DMBT1: variants seen among roughly 807,000 people sequenced by gnomAD.
The protein encoded by DMBT1 is deleted in malignant brain tumors 1, also known as scavenger receptor cysteine-rich domain-containing protein DMBT1.
Under a neutral mutation model 252.9 loss-of-function variants are expected in DMBT1, and 198 were observed. The observed-to-expected ratio is 0.78, with a 90% CI of 0.70 to 0.88. DMBT1 has a LOEUF of 0.88. DMBT1 is among the 40% of genes least tolerant of loss of function. The probability of loss-of-function intolerance (pLI) is 0.00; values close to 1 mark genes in which losing one functional copy is unlikely to be tolerated. For missense variants in DMBT1, 2,432 were observed against 2,404.7 expected, an observed-to-expected ratio of 1.01 and a Z score of -0.24; for synonymous variants, 990 against 942.7, an observed-to-expected ratio of 1.05 and a Z score of -0.92.
intron 25 of DMBT1, 26 bp downstream of exon 25, chr10:122,598,038 AG>A: frequency 6.2e-7 from 1 of 1,613,620 alleles, no homozygotes; most frequent in Non-Finnish European, 8.5e-7. Context: ...GCCCCTCCCT[AG>A]GGCTCACTCT....
chr10:122,568,171 C>A (rs753365919), intron 2 of DMBT1, among the ~76,000 whole-genome samples: 1 of 151,844 alleles, frequency 6.6e-6, no homozygotes, highest in Admixed American at 6.6e-5. Context: ...AAGGAGGAGT[C>A]GAATATGATG....
At chr10:122,624,880 G>A (rs957087908) in intron 44 of DMBT1, among the ~76,000 whole-genome samples, 4 of 148,390 alleles carry the variant, frequency 2.7e-5, no homozygotes, top group African/African-American at 7.6e-5. Flanking sequence ...CTCTATTTTA[G>A]TGTGTGGTTT....
intron 9 of DMBT1, 61 bp downstream of exon 9, chr10:122,578,820 T>A (rs1472382769): frequency 1.1e-5 from 16 of 1,480,396 alleles, no homozygotes; most frequent in Admixed American, 1.9e-5. Flanking sequence ...CACTTTGGAT[T>A]TCATAGTTCA....
chr10:122,591,477 A>G lies in DMBT1; in HGVS notation c.2138-2A>G. On this transcript the variant is annotated splice_acceptor_variant, in intron 18 of 55. Transcript: ENST00000338354. LOFTEE classifies it high-confidence loss of function. ...AGCCTTTGTCTTTGTTGCAATTTAC[A>G]GACACGTTGTCGACCATCACGTTAC... is the stretch of plus-strand genomic sequence containing the variant. 2.5e-6 allele frequency: 4 copies of G among 1,587,180 alleles called. 1 individual carries two copies. The highest frequency in any genetic ancestry group is 3.4e-6 in the Non-Finnish European group (4 of 1,164,806).
At chr10:122,576,751 G>A in intron 7 of DMBT1, 29 bp downstream of exon 7, 4 of 1,613,314 alleles carry the variant, frequency 2.5e-6, no homozygotes, top group South Asian at 1.1e-5. Context: ...GGAGGGTTGG[G>A]TGTGGTGGCT....
rs559039398 is a variant in DMBT1, at chr10:122,592,205, G to A, written c.2177-67G>A. On this transcript the variant is annotated intron_variant, in intron 19 of 55. Transcript: ENST00000338354. ...TTGGCCATTAGGAAGTACCCTGAGTGTGGAACGTGCCTTAGATCCTTACCT... is the reference window on the plus strand; with the variant it reads ...TTGGCCATTAGGAAGTACCCTGAGTATGGAACGTGCCTTAGATCCTTACCT... 1.6e-4 allele frequency: 255 copies of A among 1,564,116 alleles called. 44 individuals carry two copies. The East Asian group carries it at 4.3e-3, about 27-fold the overall frequency.
At position 122,629,917 on chromosome 10, in the gene DMBT1, C is replaced by A. The variant is rs377585197; in HGVS notation, c.5746C>A (p.Pro1916Thr). The A allele has an allele frequency of 1.9e-6, 3 of 1,613,988 alleles. No individual in the cohort carries two copies. In the South Asian group the frequency reaches 3.3e-5, roughly 18 times the overall value. Residue 1916 changes from proline to threonine, a missense_variant, in exon 47 of 56, where the codon CCC (proline) becomes ACC (threonine). By Grantham distance (38) the Pro-to-Thr change is conservative. This residue lies in a region of DMBT1 where 1,162 missense variants were observed against 1,169.0 expected (regional missense o/e 0.99). Transcript: ENST00000338354. ...FSSPSYPAYY[P>T]NNAKCVWEIE... ...CAGCCCATCCTACCCTGCATACTACCCCAACAATGCTAAGTGTGTTTGGGA... is the reference window on the plus strand; with the variant it reads ...CAGCCCATCCTACCCTGCATACTACACCAACAATGCTAAGTGTGTTTGGGA...
chr10:122,625,022 G>A (rs1297103089), intron 44 of DMBT1, among the ~76,000 whole-genome samples: 2 of 152,186 alleles, frequency 1.3e-5, no homozygotes, highest in African/African-American at 4.8e-5. Context: ...GAATTTTATG[G>A]GTAGGCACTA....
intron 52 of DMBT1, among the ~76,000 whole-genome samples, chr10:122,634,434 C>T (rs60166953): frequency 0.033 from 1,155 of 34,698 alleles, 40 homozygotes; most frequent in African/African-American, 0.093. Flanking sequence ...TCTCTCTTCT[C>T]TCTCTCTCTC....
At chr10:122,566,898 A>G (rs1320825784) in intron 2 of DMBT1, among the ~76,000 whole-genome samples, 4 of 152,158 alleles carry the variant, frequency 2.6e-5, no homozygotes, top group East Asian at 1.9e-4. Flanking sequence ...CAATATTTCT[A>G]TGTCTAAGAT....
At chr10:122,625,408 T>C in intron 45 of DMBT1, 105 bp downstream of exon 45, 1 of 1,093,312 alleles carries the variant, frequency 9.1e-7, no homozygotes, top group East Asian at 2.5e-5. Flanking sequence ...GGGGGGGTAA[T>C]TTCTCTCTGA....
intron 9 of DMBT1, 113 bp downstream of exon 9, chr10:122,578,872 G>A (rs1015670712): frequency 1.1e-4 from 123 of 1,070,570 alleles, no homozygotes; most frequent in African/African-American, 6.3e-4. Flanking sequence ...TGGGCTAAGC[G>A]TGGGAGGGTG....
chr10:122,588,841 C>A lies in DMBT1; in HGVS notation c.1784-103C>A. The A allele has an allele frequency of 2.6e-6, 4 of 1,549,822 alleles. 1 individual carries two copies. Among genetic ancestry groups the A allele is most frequent in the Non-Finnish European group, 3.5e-6 (4 of 1,141,392 alleles). ...GTCATCTTTAATCGTGACTGCCTGC[C>A]CAGGTGACTTTGGCCATTAGGAAGT... On this transcript the variant is annotated intron_variant, in intron 16 of 55. Coordinates refer to ENST00000338354, the MANE Select transcript of DMBT1 (RefSeq NM_001377530.1).
Position 122,577,835 on chromosome 10 carries a change from G to C in DMBT1, c.632G>C (p.Arg211Thr). The change falls in exon 8 of 56, where the codon AGG becomes ACG. Residue 211 changes from arginine (R) to threonine (T), a missense_variant. Transcript: ENST00000338354. ...CSAAQPQSTL[R>T]PESWPVRISP... ...GCTGCCCAGCCTCAGTCAACACTCA[G>C]GCCAGGTGAGTCCCCAGAATCCTTC... 1 of 1,613,664 alleles carries C rather than the reference G, an allele frequency of 6.2e-7. No homozygotes were observed. The highest frequency in any genetic ancestry group is 8.5e-7 in the Non-Finnish European group (1 of 1,179,724).
rs770281969 is a variant in DMBT1, at chr10:122,600,079, C to A, written c.3296C>A (p.Pro1099Gln). 1.0e-5 allele frequency: 16 copies of A among 1,607,180 alleles called. 1 individual carries two copies. Among genetic ancestry groups the A allele is most frequent in the Admixed American group, 5.1e-5 (3 of 58,646 alleles). Residue 1099 changes from proline (P) to glutamine (Q), a missense_variant, in exon 27 of 56, where the codon CCA becomes CAA. Coordinates refer to ENST00000338354, the MANE Select transcript of DMBT1 (RefSeq NM_001377530.1). ...GVICSASQSR[P>Q]TPSPDTWPTS... Reference sequence around the variant, plus strand: ...TTTCTCACAGCTTCCCAGTCCCGGCCAACACCTAGTCCAGGTGGGTCCCCA... The same window carrying A: ...TTTCTCACAGCTTCCCAGTCCCGGCAAACACCTAGTCCAGGTGGGTCCCCA...
At chr10:122,593,126 C>T (rs1019456649) in intron 20 of DMBT1, among the ~76,000 whole-genome samples, 4 of 148,924 alleles carry the variant, frequency 2.7e-5, no homozygotes, top group East Asian at 2.1e-4. Flanking sequence ...ACCTCAGGTC[C>T]TCTCAGAACG....
In DMBT1 at chr10:122,568,057, G is replaced by C. The variant is rs564023062; in HGVS notation, c.91+2061G>C. On this transcript the variant is annotated intron_variant, in intron 2 of 55. Coordinates refer to ENST00000338354, the MANE Select transcript of DMBT1 (RefSeq NM_001377530.1). ...GAGCAGACACTGAGGATTCAGCTGG[G>C]AGGAGGCCAGGTTCAAGGGGATGAA... 1.2e-4 allele frequency among the ~76,000 whole-genome samples: 19 copies of C among 152,308 alleles called. No individual in the cohort carries two copies. In the South Asian group the frequency reaches 3.9e-3, roughly 32 times the overall value.
chr10:122,589,928 T>C (rs1195497361), intron 17 of DMBT1, among the ~76,000 whole-genome samples: 2 of 148,264 alleles, frequency 1.3e-5, no homozygotes, highest in Middle Eastern at 3.2e-3. Flanking sequence ...CCAACATGAG[T>C]CTTGTATGGG....
Position 122,598,009 on chromosome 10 carries a change from G to T in DMBT1, c.2953G>T (p.Val985Leu), listed in dbSNP as rs1565792486. 1 of 1,613,962 alleles carries T rather than the reference G, an allele frequency of 6.2e-7. No individual in the cohort carries two copies. Among genetic ancestry groups the T allele is most frequent in the Non-Finnish European group, 8.5e-7 (1 of 1,179,874 alleles). ...GACCATCACCTTGCCTGCATCGACA[G>T]TAGGTAAATATTCCTCTCGCCCCTC... ...LPTITLPAST[V>L]GSESSLALRL... Residue 985 changes from valine to leucine, a missense_variant, in exon 25 of 56, where the codon GTA (valine) becomes TTA (leucine). By Grantham distance (32) the Val-to-Leu change is conservative (BLOSUM62 1). Around this residue, in one of 3 missense-constraint regions of DMBT1, gnomAD observed 1,264 missense variants for 1,082.2 expected, o/e 1.17. Transcript: ENST00000338354.
Sources: gnomAD v4.1 joint callset for allele counts (sites outside exome capture counted in the v4.1 genomes callset) on GRCh38, gnomAD v4.1.1 for gene constraint, gnomAD v4.1.1 regional missense constraint, MANE v1.5 for transcripts, NCBI Gene and HGNC (gene_info 2026-07-23, HGNC 2026-07-21) for gene names.